The following BIN3 variants were observed in gnomAD, a reference collection of about 807,000 sequenced individuals.
BIN3 encodes bridging integrator 3.
Under a neutral mutation model 38.2 loss-of-function variants are expected in BIN3, and 41 were observed. The observed-to-expected ratio is 1.07, with a 90% CI of 0.84 to 1.39. The LOEUF (loss-of-function observed/expected upper bound fraction) is 1.39. Ranked by LOEUF, BIN3 falls within the 40% of genes most tolerant of loss-of-function variation. The probability of loss-of-function intolerance (pLI) is 0.00; values close to 1 mark genes in which losing one functional copy is unlikely to be tolerated. For missense variants in BIN3, 361 were observed against 324.3 expected (o/e 1.11, Z -0.87); for synonymous variants, 145 against 122.6 (o/e 1.18, Z -1.21).
intron 1 of BIN3, among the ~76,000 whole-genome samples, chr8:22,652,634 C>T (rs764684835): frequency 1.3e-4 from 20 of 152,124 alleles, no homozygotes; most frequent in Admixed American, 3.3e-4. Context: ...CTCTCAGAGG[C>T]GGGTTTGAAG....
intron 1 of BIN3, among the ~76,000 whole-genome samples, chr8:22,658,921 G>A (rs901324393): frequency 1.3e-5 from 2 of 152,230 alleles, no homozygotes; most frequent in African/African-American, 4.8e-5. Flanking sequence ...GAGCAGGAAG[G>A]TGGGCGAGAG....
intron 7 of BIN3, 23 bp downstream of exon 7, chr8:22,624,199 T>TG: frequency 6.2e-7 from 1 of 1,609,666 alleles, no homozygotes; most frequent in East Asian, 2.2e-5. Flanking sequence ...GTCTAGCCCC[T>TG]GCCCACCTGT....
At chr8:22,630,788 C>G (rs913213618) in intron 4 of BIN3, among the ~76,000 whole-genome samples, 1 of 152,138 alleles carries the variant, frequency 6.6e-6, no homozygotes, top group African/African-American at 2.4e-5. Flanking sequence ...CTGCTCCAGA[C>G]AATTCTTTTG....
At chr8:22,650,496 G>C (rs1802856618) in intron 1 of BIN3, among the ~76,000 whole-genome samples, 1 of 152,086 alleles carries the variant, frequency 6.6e-6, no homozygotes, top group African/African-American at 2.4e-5. Context: ...CCATCAACTT[G>C]CAACTATTTA....
intron 6 of BIN3, chr8:22,625,461 A>C: frequency 1.4e-6 from 1 of 701,554 alleles, no homozygotes; most frequent in Non-Finnish European, 2.6e-6. Flanking sequence ...CGAGGGCAGG[A>C]AGCAGTTACT....
intron 1 of BIN3, among the ~76,000 whole-genome samples, chr8:22,667,043 T>C (rs1372758015): frequency 6.6e-6 from 1 of 152,196 alleles, no homozygotes; most frequent in African/African-American, 2.4e-5. Context: ...GCCGGTGCTG[T>C]TCCCGTCTTT....
intron 2 of BIN3, among the ~76,000 whole-genome samples, chr8:22,643,027 C>G (rs571767068): frequency 2.0e-5 from 3 of 152,230 alleles, no homozygotes; most frequent in African/African-American, 7.2e-5. Context: ...TCTACACTTT[C>G]TGTGGAGAAC....
intron 3 of BIN3, 89 bp from the exon 4 acceptor site, chr8:22,636,675 G>A (rs2117535817): frequency 7.3e-7 from 1 of 1,360,962 alleles, no homozygotes; most frequent in East Asian, 2.5e-5. Context: ...TGCCAAGGAG[G>A]AGGAGAAAGG....
intron 4 of BIN3, among the ~76,000 whole-genome samples, chr8:22,635,364 T>C (rs1006965285): frequency 3.9e-5 from 6 of 152,108 alleles, no homozygotes; most frequent in Admixed American, 2.0e-4. Context: ...TGAGAGTGCC[T>C]GGTGCACGTG....
At chr8:22,647,815 C>A (rs1802758247) in intron 1 of BIN3, among the ~76,000 whole-genome samples, 1 of 152,160 alleles carries the variant, frequency 6.6e-6, no homozygotes, top group Non-Finnish European at 1.5e-5. Flanking sequence ...AAATCCTTCA[C>A]ATTTAAAAAG....
chr8:22,659,973 ACT>A (rs1803180605), intron 1 of BIN3, among the ~76,000 whole-genome samples: 1 of 151,926 alleles, frequency 6.6e-6, no homozygotes, highest in Non-Finnish European at 1.5e-5. Flanking sequence ...GATTAAGTAT[ACT>A]CACCCCCCAA....
chr8:22,666,261 A>C (rs1803413835), intron 1 of BIN3, among the ~76,000 whole-genome samples: 1 of 151,704 alleles, frequency 6.6e-6, no homozygotes, highest in Non-Finnish European at 1.5e-5. Context: ...ACCATAATAA[A>C]GCCACCTGAG....
At chr8:22,656,744 T>C (rs1192983624) in intron 1 of BIN3, among the ~76,000 whole-genome samples, 1 of 152,238 alleles carries the variant, frequency 6.6e-6, no homozygotes, top group Non-Finnish European at 1.5e-5. Context: ...AAGGTACAAA[T>C]ATTAGGTTTT....
At chr8:22,641,758 G>C (rs891066519) in intron 2 of BIN3, among the ~76,000 whole-genome samples, 6 of 152,188 alleles carry the variant, frequency 3.9e-5, no homozygotes, top group African/African-American at 1.2e-4. Flanking sequence ...AGGAACCTTG[G>C]AGCGCATGTT....
chr8:22,635,013 T>C (rs544392109), intron 4 of BIN3, among the ~76,000 whole-genome samples: 6 of 152,140 alleles, frequency 3.9e-5, no homozygotes, highest in African/African-American at 1.4e-4. Context: ...GCAGCTGGAG[T>C]GGCCGAGGGG....
intron 6 of BIN3, 69 bp downstream of exon 6, chr8:22,629,893 TCA>T (rs1802129286): frequency 2.1e-6 from 3 of 1,416,692 alleles, no homozygotes; most frequent in Non-Finnish European, 2.9e-6. Context: ...GAAATCCTCT[TCA>T]GTCCCCAAGT....
Position 22,630,306 on chromosome 8 carries a change from CTTGCAGCACA to C in BIN3, c.297+126_297+135del, listed in dbSNP as rs1172423857. On this transcript the variant is annotated intron_variant, in intron 5 of 8. Transcript: ENST00000276416. Reference sequence around the variant, plus strand: ...AAAGAGCCCTGTGGGCTTGCAGCACCTTGCAGCACACGAGGCCAGAGGGCTTAGAGCCCTG... The same window carrying C: ...AAAGAGCCCTGTGGGCTTGCAGCACCCGAGGCCAGAGGGCTTAGAGCCCTG... 4 of 1,299,036 alleles carry C rather than the reference CTTGCAGCACA, an allele frequency of 3.1e-6. No individual in the cohort carries two copies. The Admixed American group carries it at 8.8e-5, about 29-fold the overall frequency. 80.5% of individuals were successfully genotyped at this position (1,299,036 alleles called of 1,614,324 possible).
intron 8 of BIN3, among the ~76,000 whole-genome samples, chr8:22,622,330 G>A (rs1379597451): frequency 2.2e-4 from 33 of 152,262 alleles, no homozygotes; most frequent in Non-Finnish European, 4.8e-4. Context: ...GACATGAGGA[G>A]GAGCTCTAGA....
Position 22,639,042 on chromosome 8 carries a change from ACT to A in BIN3, c.58-2082_58-2081del, listed in dbSNP as rs1356498725. ...AAGTCTTAGCTAAAGGAACGGAAAG[ACT>A]CTGGTGTAACTGCAGGTGGGAAATT... is the stretch of plus-strand genomic sequence containing the variant. On this transcript the variant is annotated intron_variant, in intron 2 of 8. Transcript: ENST00000276416. 2.6e-5 allele frequency among the ~76,000 whole-genome samples: 4 copies of A among 152,068 alleles called. No individual in the cohort carries two copies. The East Asian group carries it at 7.7e-4, about 29-fold the overall frequency.
Sources: gnomAD v4.1 joint callset for allele counts (sites outside exome capture counted in the v4.1 genomes callset) on GRCh38, gnomAD v4.1.1 for gene constraint, MANE v1.5 for transcripts, NCBI Gene and HGNC (gene_info 2026-07-23, HGNC 2026-07-21) for gene names.